HECW2: variants seen among roughly 807,000 people sequenced by gnomAD.
HECW2 encodes HECT, C2 and WW domain containing E3 ubiquitin protein ligase 2.
Under a neutral mutation model 175.2 loss-of-function variants are expected in HECW2, and 61 were observed. That is an observed-to-expected ratio of 0.35 (90% CI 0.28 to 0.43). The LOEUF is 0.43. Among genes scored for constraint, HECW2 ranks in the 20% least tolerant of loss-of-function variants. The probability of loss-of-function intolerance (pLI) is 1.00; values close to 1 mark genes in which losing one functional copy is unlikely to be tolerated. For synonymous variants in HECW2, 671 were observed against 731.0 expected (o/e 0.92, Z 1.32); for missense variants, 1,524 against 2,000.5 (o/e 0.76, Z 4.54).
chr2:196,210,429 T>A (rs544489945), intron 28 of HECW2, among the ~76,000 whole-genome samples: 1 of 152,226 alleles, frequency 6.6e-6, no homozygotes, highest in African/African-American at 2.4e-5. Context: ...CAAACTCCCA[T>A]GCTCAAGCCT....
chr2:196,565,458 A>G (rs1354336850), intron 1 of HECW2, among the ~76,000 whole-genome samples: 1 of 152,224 alleles, frequency 6.6e-6, no homozygotes, highest in Non-Finnish European at 1.5e-5. Flanking sequence ...TTGTTTTCCC[A>G]TATGTCCTTT....
At chr2:196,408,277 C>T (rs1695017899) in intron 2 of HECW2, among the ~76,000 whole-genome samples, 1 of 152,090 alleles carries the variant, frequency 6.6e-6, no homozygotes, top group Non-Finnish European at 1.5e-5. Context: ...AATGGAAAAA[C>T]ATTGAATGAG....
At chr2:196,233,239 C>T (rs1027513829) in intron 21 of HECW2, among the ~76,000 whole-genome samples, 11 of 152,152 alleles carry the variant, frequency 7.2e-5, no homozygotes, top group African/African-American at 2.7e-4. Flanking sequence ...TGTAGCCGCA[C>T]AACAGCTGCA....
intron 1 of HECW2, among the ~76,000 whole-genome samples, chr2:196,477,996 G>A (rs1686712721): frequency 6.6e-6 from 1 of 152,146 alleles, no homozygotes; most frequent in African/African-American, 2.4e-5. Flanking sequence ...AGGTTGCAGT[G>A]AGCCGAGATC....
At chr2:196,437,623 A>AAAAAAAAAAAAAAAAAAAC (rs1695918064) in intron 1 of HECW2, among the ~76,000 whole-genome samples, 1 of 149,774 alleles carries the variant, frequency 6.7e-6, no homozygotes, top group Admixed American at 6.6e-5. Context: ...AAAAAAAAAA[A>AAAAAAAAAAAAAAAAAAAC]AGCACCAGCC....
intron 1 of HECW2, among the ~76,000 whole-genome samples, chr2:196,522,425 G>T (rs1467454806): frequency 6.6e-6 from 1 of 152,134 alleles, no homozygotes; most frequent in Non-Finnish European, 1.5e-5. Context: ...CCATTCTGTA[G>T]GTTGCCTGTT....
chr2:196,401,327 T>A (rs542365421), intron 2 of HECW2, among the ~76,000 whole-genome samples: 16 of 152,328 alleles, frequency 1.1e-4, no homozygotes, highest in Admixed American at 4.6e-4. Context: ...CTAAGGCATA[T>A]TGCAAAGTAG....
chr2:196,313,906 A>G (rs1233048984), intron 10 of HECW2, among the ~76,000 whole-genome samples: 1 of 152,058 alleles, frequency 6.6e-6, no homozygotes, highest in Non-Finnish European at 1.5e-5. Flanking sequence ...TAAAAACACA[A>G]AAAAACCAGC....
intron 28 of HECW2, among the ~76,000 whole-genome samples, chr2:196,203,381 A>C (rs1450097838): frequency 6.6e-6 from 1 of 152,194 alleles, no homozygotes; most frequent in Non-Finnish European, 1.5e-5. Flanking sequence ...GCAGTGGTTT[A>C]TAATCTATCA....
At chr2:196,491,485 T>TAC (rs753174521) in intron 1 of HECW2, among the ~76,000 whole-genome samples, 57 of 127,064 alleles carry the variant, frequency 4.5e-4, no homozygotes, top group Non-Finnish European at 6.4e-4. Context: ...TATATATATA[T>TAC]ACACATATAT....
chr2:196,411,577 T>C lies in HECW2; in HGVS notation c.292+21555A>G, dbSNP rs139830690. Among the ~76,000 whole-genome samples the C allele has an allele frequency of 1.2e-3, 187 of 152,344 alleles. 1 individual carries two copies. The highest frequency in any genetic ancestry group is 4.2e-3 in the African/African-American group (174 of 41,582). ...CTGTAAAAGGAGACACACCAGGAAA[T>C]GCCCAAGCTCAGGAGATAGCAGTAC... On this transcript the variant is annotated intron_variant, in intron 2 of 28. Transcript: ENST00000644978.
At chr2:196,202,955 G>A (rs776019668) in intron 28 of HECW2, among the ~76,000 whole-genome samples, 1 of 152,142 alleles carries the variant, frequency 6.6e-6, no homozygotes. Context: ...CAGACTGAAG[G>A]TAATTTTATA....
intron 1 of HECW2, among the ~76,000 whole-genome samples, chr2:196,491,987 T>C (rs1368031531): frequency 6.6e-6 from 1 of 152,118 alleles, no homozygotes; most frequent in African/African-American, 2.4e-5. Flanking sequence ...AACAATTTTG[T>C]AAAAATTTTT....
intron 4 of HECW2, among the ~76,000 whole-genome samples, chr2:196,330,516 A>G (rs1692319420): frequency 1.3e-5 from 2 of 152,172 alleles, no homozygotes; most frequent in Non-Finnish European, 2.9e-5. Context: ...GGCTCTTTGG[A>G]GCTCTCTGCT....
chr2:196,282,801 G>C (rs1690236019), intron 14 of HECW2, among the ~76,000 whole-genome samples: 1 of 152,146 alleles, frequency 6.6e-6, no homozygotes, highest in South Asian at 2.1e-4. Context: ...GTTAATGCTG[G>C]TCAGCTGCAA....
chr2:196,317,468 C>A (rs894644308), intron 9 of HECW2, 99 bp from the exon 10 acceptor site: 17 of 863,424 alleles, frequency 2.0e-5, no homozygotes, highest in African/African-American at 1.5e-4. Context: ...AGGCTAGTTT[C>A]TTTTCTCTGT....
At chr2:196,379,542 A>C (rs374959559) in intron 2 of HECW2, among the ~76,000 whole-genome samples, 6 of 151,922 alleles carry the variant, frequency 3.9e-5, no homozygotes, top group South Asian at 2.1e-4. Flanking sequence ...AAAATTAGCC[A>C]GGCGTGGTGG....
chr2:196,317,975 T>C (rs1691765828), intron 9 of HECW2, among the ~76,000 whole-genome samples: 1 of 152,236 alleles, frequency 6.6e-6, no homozygotes, highest in South Asian at 2.1e-4. Context: ...TTGACATTCC[T>C]AAATTGTAGA....
At chr2:196,533,904 C>T (rs1016471631) in intron 1 of HECW2, among the ~76,000 whole-genome samples, 1 of 152,144 alleles carries the variant, frequency 6.6e-6, no homozygotes, top group Admixed American at 6.5e-5. Flanking sequence ...AATTATTGTA[C>T]ATAATTTATA....
Sources: allele counts gnomAD v4.1 joint callset (sites outside exome capture counted in the v4.1 genomes callset), GRCh38; gene constraint gnomAD v4.1.1; transcripts MANE v1.5; gene names NCBI Gene and HGNC (gene_info 2026-07-23, HGNC 2026-07-21).